CTNNA2: variants seen among roughly 807,000 people sequenced by gnomAD.
CTNNA2 encodes catenin alpha-2.
In CTNNA2, 42 loss-of-function variants were observed where a neutral mutation model predicts 101.0. The observed-to-expected ratio is 0.42, with a 90% confidence interval of 0.32 to 0.54. The LOEUF (loss-of-function observed/expected upper bound fraction) is 0.54, where lower values mean the gene tolerates loss of function less well. Ranked by LOEUF, CTNNA2 falls within the 20% of genes least tolerant of loss-of-function variation. The pLI, the probability that CTNNA2 is intolerant of heterozygous loss-of-function variation, is 0.14. For missense variants in CTNNA2, 871 were observed against 1,223.1 expected (o/e 0.71, Z 4.29); for synonymous variants, 450 against 456.4 (o/e 0.99, Z 0.18).
chr2:79,801,498 AG>A (rs1676153361), intron 3 of CTNNA2, among the ~76,000 whole-genome samples: 1 of 152,162 alleles, frequency 6.6e-6, no homozygotes, highest in Non-Finnish European at 1.5e-5. Flanking sequence ...CTAATAGATA[AG>A]AGCTGTTTCT....
intron 6 of CTNNA2, among the ~76,000 whole-genome samples, chr2:79,890,726 T>A (rs1272349160): frequency 6.6e-6 from 1 of 150,648 alleles, no homozygotes; most frequent in Non-Finnish European, 1.5e-5. Context: ...TGTCTCAGTT[T>A]GTTTGGGCTT....
intron 3 of CTNNA2, among the ~76,000 whole-genome samples, chr2:79,779,798 A>T (rs1674284085): frequency 6.6e-6 from 1 of 152,082 alleles, no homozygotes; most frequent in Admixed American, 6.5e-5. Context: ...GTAAAATAAA[A>T]ATAACATTCT....
chr2:79,875,704 A>G (rs1469294901), intron 6 of CTNNA2, among the ~76,000 whole-genome samples: 1 of 152,096 alleles, frequency 6.6e-6, no homozygotes, highest in Non-Finnish European at 1.5e-5. Flanking sequence ...AGTTATATGT[A>G]TCTCACACCA....
In CTNNA2 at chr2:80,017,010, C is replaced by T. The variant is rs112044566; in HGVS notation, c.1056+107213C>T. On this transcript the variant is annotated intron_variant, in intron 7 of 18. Transcript: ENST00000402739. ...GAAATATCATTATAAGGAACAGGAT[C>T]CTGATTCTATTTGAAAGTAACTTTT... is the stretch of plus-strand genomic sequence containing the variant. 5.9e-3 allele frequency among the ~76,000 whole-genome samples: 891 copies of T among 152,248 alleles called. 6 individuals are homozygous for T. The highest frequency in any genetic ancestry group is 7.0e-3 in the Non-Finnish European group (474 of 68,012).
At chr2:80,603,772 G>A in intron 15 of CTNNA2, 1 of 307,172 alleles carries the variant, frequency 3.3e-6, no homozygotes, top group Non-Finnish European at 6.1e-6. Flanking sequence ...TTGGTACACG[G>A]TAAGCAACTA....
At chr2:79,877,615 A>G (rs1683124268) in intron 6 of CTNNA2, among the ~76,000 whole-genome samples, 3 of 152,306 alleles carry the variant, frequency 2.0e-5, no homozygotes, top group South Asian at 4.1e-4. Context: ...CCTAAATGCT[A>G]TTCTCAGATA....
At chr2:79,255,623 C>T (rs918089226) in intron 2 of CTNNA2, among the ~76,000 whole-genome samples, 1 of 152,042 alleles carries the variant, frequency 6.6e-6, no homozygotes, top group African/African-American at 2.4e-5. Context: ...TGGAACATAG[C>T]AAAAGAAGAG....
intron 7 of CTNNA2, among the ~76,000 whole-genome samples, chr2:80,266,514 G>A (rs1236702610): frequency 1.3e-5 from 2 of 152,306 alleles, no homozygotes; most frequent in East Asian, 1.9e-4. Context: ...CCTCAGGTGC[G>A]CTGAAAGCTT....
chr2:79,576,241 G>T (rs1407839893), intron 1 of CTNNA2, among the ~76,000 whole-genome samples: 1 of 152,106 alleles, frequency 6.6e-6, no homozygotes, highest in East Asian at 1.9e-4. Flanking sequence ...AGCTGTGTTT[G>T]CTCTGTTAGA....
At chr2:79,793,712 G>C (rs72914617) in intron 3 of CTNNA2, among the ~76,000 whole-genome samples, 4,664 of 152,186 alleles carry the variant, frequency 0.031, 259 homozygotes, top group African/African-American at 0.11. Flanking sequence ...TGAAGGGGAG[G>C]CATCTTAAAG....
chr2:80,573,982 C>T (rs1694822245), intron 12 of CTNNA2, among the ~76,000 whole-genome samples, 181 bp from the exon 13 acceptor site: 1 of 152,140 alleles, frequency 6.6e-6, no homozygotes, highest in African/African-American at 2.4e-5. Flanking sequence ...TTTCCTTTCC[C>T]TGCTCCTGAG....
chr2:79,626,989 A>C (rs1390938109), intron 1 of CTNNA2, among the ~76,000 whole-genome samples: 1 of 152,322 alleles, frequency 6.6e-6, no homozygotes, highest in Admixed American at 6.5e-5. Context: ...CTGATAAAGA[A>C]GTATAATTAG....
chr2:79,424,208 G>A (rs12478947), intron 4 of CTNNA2, among the ~76,000 whole-genome samples: 76,320 of 151,756 alleles, frequency 0.5, 19,269 homozygotes, highest in Middle Eastern at 0.66. Flanking sequence ...GTCATTTGCC[G>A]TAACCTCATG....
chr2:79,606,848 C>G (rs574592241), intron 1 of CTNNA2, among the ~76,000 whole-genome samples: 1 of 152,064 alleles, frequency 6.6e-6, no homozygotes, highest in Non-Finnish European at 1.5e-5. Context: ...GTATTTAATT[C>G]AAAAGAAGGC....
At chr2:80,118,519 C>G (rs553496615) in intron 7 of CTNNA2, among the ~76,000 whole-genome samples, 1 of 152,296 alleles carries the variant, frequency 6.6e-6, no homozygotes, top group South Asian at 2.1e-4. Flanking sequence ...TATCAGCACA[C>G]AAACGTTGAC....
chr2:80,331,983 G>A (rs1671374844), intron 7 of CTNNA2, among the ~76,000 whole-genome samples: 1 of 152,106 alleles, frequency 6.6e-6, no homozygotes, highest in Admixed American at 6.5e-5. Flanking sequence ...CTCCACTGGA[G>A]GTACCATTCC....
intron 3 of CTNNA2, among the ~76,000 whole-genome samples, chr2:79,853,648 CT>C (rs1407401874): frequency 1.4e-5 from 2 of 145,620 alleles, no homozygotes; most frequent in Non-Finnish European, 3.0e-5. Context: ...CCATACTTTT[CT>C]TTTTTCCTTT....
chr2:80,225,908 C>T (rs1031483594), intron 7 of CTNNA2, among the ~76,000 whole-genome samples: 4 of 152,102 alleles, frequency 2.6e-5, no homozygotes, highest in African/African-American at 9.7e-5. Flanking sequence ...TAAGTGATAG[C>T]TATAACAACC....
chr2:79,779,158 C>A (rs1473012423), intron 3 of CTNNA2, among the ~76,000 whole-genome samples: 1 of 149,744 alleles, frequency 6.7e-6, no homozygotes. Context: ...ATTTGTGTGT[C>A]TTGTAATTTG....
Sources: gnomAD v4.1 joint callset for allele counts (sites outside exome capture counted in the v4.1 genomes callset) on GRCh38, gnomAD v4.1.1 for gene constraint, MANE v1.5 for transcripts, NCBI Gene and HGNC (gene_info 2026-07-23, HGNC 2026-07-21) for gene names.